Variants in KIAA1755 observed in about 807,000 individuals in gnomAD.
The protein encoded by KIAA1755 is uncharacterized protein KIAA1755.
Under a neutral mutation model 91.7 loss-of-function variants are expected in KIAA1755, and 68 were observed. That is an observed-to-expected ratio of 0.74 (90% CI 0.61 to 0.91). The LOEUF (loss-of-function observed/expected upper bound fraction) is 0.91. KIAA1755 is among the 40% of genes least tolerant of loss of function. KIAA1755 has a pLI of 0.00. For synonymous variants in KIAA1755, 610 were observed against 604.6 expected, an observed-to-expected ratio of 1.01 and a Z score of -0.13; for missense variants, 1,535 against 1,494.4, an observed-to-expected ratio of 1.03 and a Z score of -0.45.
rs1273073985 is a variant in KIAA1755, at chr20:38,223,544, C to A, written c.2262G>T (p.Gly754=). Residue 754 remains glycine (G), a synonymous_variant, in exon 9 of 14, where the codon GGG becomes GGT. Transcript: ENST00000279024. The part of the protein sequence containing the change: ...EEFEKADPPG[G]MQEATRCLSK... ...CACCATGCTCCAGGCTCACCTGCAT[C>A]CCCCCAGGGGGGTCGGCCTTCTCGA... 5 of 1,576,616 alleles carry A rather than the reference C, an allele frequency of 3.2e-6. No homozygotes were observed. In the Admixed American group the frequency reaches 5.8e-5, roughly 18 times the overall value.
intron 2 of KIAA1755, 126 bp downstream of exon 2, chr20:38,245,803 T>TC: frequency 5.0e-6 from 4 of 805,006 alleles, no homozygotes; most frequent in Non-Finnish European, 6.0e-6. Flanking sequence ...ACTTGGAAAG[T>TC]CCCCCCACAC....
chr20:38,220,213 C>T (rs930665611), intron 10 of KIAA1755, among the ~76,000 whole-genome samples: 2 of 152,142 alleles, frequency 1.3e-5, no homozygotes, highest in Admixed American at 1.3e-4. Context: ...TTATAACCTG[C>T]CCTGGGAGCT....
At chr20:38,234,803 G>C (rs1433053080) in intron 4 of KIAA1755, among the ~76,000 whole-genome samples, 1 of 152,210 alleles carries the variant, frequency 6.6e-6, no homozygotes, top group African/African-American at 2.4e-5. Context: ...ATTACAGCAA[G>C]GGGCAGTTGT....
At position 38,250,512 on chromosome 20, in the gene KIAA1755, C is replaced by CTGTGTGTGTGTG. The variant is rs3080901; in HGVS notation, c.4-4398_4-4387dup. Among the ~76,000 whole-genome samples, 253 of 138,928 alleles carry CTGTGTGTGTGTG rather than the reference C, an allele frequency of 1.8e-3. 1 individual carries two copies. Among genetic ancestry groups the CTGTGTGTGTGTG allele is most frequent in the African/African-American group, 6.1e-3 (226 of 37,004 alleles). 91.1% of individuals were successfully genotyped at this position (138,928 alleles called of 152,430 possible). On this transcript the variant is annotated intron_variant, in intron 1 of 13. Coordinates refer to ENST00000279024, the MANE Select transcript of KIAA1755 (RefSeq NM_001029864.2). ...GGTGTGTGTGTGTGTGTGTGTGTGT[C>CTGTGTGTGTGTG]TGTGTGTGTGTGTGTGTGTGTGTGG...
intron 8 of KIAA1755, 83 bp from the exon 9 acceptor site, chr20:38,223,719 AG>A: frequency 9.9e-7 from 1 of 1,015,054 alleles, no homozygotes; most frequent in Non-Finnish European, 1.5e-6. Flanking sequence ...CACAGAGGGG[AG>A]GTGGGAGGCA....
intron 1 of KIAA1755, 25 bp downstream of exon 1, chr20:38,260,473 G>A: frequency 6.6e-7 from 1 of 1,508,490 alleles, no homozygotes; most frequent in Non-Finnish European, 8.8e-7. Context: ...GGCAGAGCGA[G>A]GTGGTCCAGG....
chr20:38,223,487 T>G, intron 9 of KIAA1755, 51 bp downstream of exon 9: 16 of 1,292,172 alleles, frequency 1.2e-5, no homozygotes, highest in Non-Finnish European at 1.7e-5. Flanking sequence ...CCTTGGTCCA[T>G]GGGGTCTGGG....
At position 38,245,949 on chromosome 20, in the gene KIAA1755, G is replaced by A. The variant is rs61998174; in HGVS notation, c.181C>T (p.Gln61Ter). The A allele has an allele frequency of 1.9e-6, 3 of 1,613,988 alleles. No individual in the cohort carries two copies. Among genetic ancestry groups the A allele is most frequent in the African/African-American group, 2.7e-5 (2 of 74,908 alleles). The part of the protein sequence containing the change: ...FLIPAKRLCE[Q>*]VREAACAPYS... ...CTTACACAGGCTGCTTCTCGCACTT[G>A]CTCACACAGGCGCTTGGCAGGGATC... Residue 61 changes from glutamine (Q) to a stop codon, truncating the protein, a stop_gained, in exon 2 of 14, where the codon CAA becomes TAA. Coordinates refer to ENST00000279024, the MANE Select transcript of KIAA1755 (RefSeq NM_001029864.2). LOFTEE classifies it high-confidence loss of function.
intron 13 of KIAA1755, chr20:38,217,013 A>C: frequency 1.5e-6 from 1 of 660,944 alleles, no homozygotes; most frequent in Non-Finnish European, 2.8e-6. Context: ...AGACTTGGGG[A>C]GTGAATCACG....
intron 2 of KIAA1755, among the ~76,000 whole-genome samples, chr20:38,244,411 G>C (rs1274841995): frequency 1.3e-5 from 2 of 152,162 alleles, no homozygotes; most frequent in Non-Finnish European, 2.9e-5. Flanking sequence ...CCTAACCCTG[G>C]ACTTTTAGCT....
intron 5 of KIAA1755, among the ~76,000 whole-genome samples, chr20:38,229,529 AG>A (rs1237917867): frequency 6.6e-6 from 1 of 152,176 alleles, no homozygotes; most frequent in Non-Finnish European, 1.5e-5. Flanking sequence ...ACCAACCTGG[AG>A]GCCCTTAAAA....
intron 4 of KIAA1755, chr20:38,236,835 G>A (rs974109122): frequency 6.6e-6 from 1 of 152,358 alleles, no homozygotes; most frequent in Middle Eastern, 3.4e-3. Flanking sequence ...GTAAAAGGGT[G>A]AGGGTGGGAA....
intron 6 of KIAA1755, 37 bp from the exon 7 acceptor site, chr20:38,227,277 A>G (rs1195181419): frequency 6.6e-7 from 1 of 1,523,018 alleles, no homozygotes; most frequent in African/African-American, 1.4e-5. Context: ...GCTCTGCCCA[A>G]GGCTTCATGA....
Position 38,245,920 on chromosome 20 carries a change from T to C in KIAA1755, c.201+9A>G, listed in dbSNP as rs769673652. On this transcript the variant is annotated intron_variant, in intron 2 of 13. Transcript: ENST00000279024. ...CTTGTTCCCTGTCCCTGTTTCCCTC[T>C]TGACTTACACAGGCTGCTTCTCGCA... 6.2e-7 allele frequency: 1 copy of C among 1,613,702 alleles called. No homozygotes were observed. The highest frequency in any genetic ancestry group is 8.5e-7 in the Non-Finnish European group (1 of 1,179,678).
intron 1 of KIAA1755, among the ~76,000 whole-genome samples, chr20:38,247,712 A>T (rs2076181800): frequency 1.3e-5 from 2 of 152,218 alleles, no homozygotes; most frequent in Admixed American, 6.5e-5. Flanking sequence ...ACTTTAAAAC[A>T]AGGAGACCAT....
In KIAA1755 at chr20:38,259,530, TGAGAGA is replaced by T. The variant is rs35609888; in HGVS notation, c.3+962_3+967del. Among the ~76,000 whole-genome samples the T allele has an allele frequency of 1.7e-3, 176 of 104,134 alleles. 1 individual carries two copies. The highest frequency in any genetic ancestry group is 0.014 in the Middle Eastern group (3 of 210). The allele number at this position is 104,134 out of a possible 152,430, so 68.3% of individuals were successfully genotyped here. A position where few individuals can be genotyped will look rare whatever the true frequency, so the allele number is the denominator to read the frequency against. On this transcript the variant is annotated intron_variant, in intron 1 of 13. Coordinates refer to ENST00000279024, the MANE Select transcript of KIAA1755 (RefSeq NM_001029864.2). ...GCCTGCGTGTGTGTGTGTGTGTGTG[TGAGAGA>T]GAGAGAGAGAGAGTATGAACACCTC...
In KIAA1755 at chr20:38,227,382, TTG is replaced by T. The variant is rs568422277; in HGVS notation, c.1966-144_1966-143del. ...TGGGGTCCCTCCATGACTGGAATCT[TTG>T]TGTGATACGTTTGGACCGTGAATCA... On this transcript the variant is annotated intron_variant, in intron 6 of 13. Transcript: ENST00000279024. 3,366 of 570,162 alleles carry T rather than the reference TTG, an allele frequency of 5.9e-3. 18 individuals carry two copies. Among genetic ancestry groups the T allele is most frequent in the Non-Finnish European group, 8.5e-3 (2,697 of 318,876 alleles). 35.3% of individuals were successfully genotyped at this position (570,162 alleles called of 1,614,324 possible).
At chr20:38,232,177 C>T (rs560949381) in intron 4 of KIAA1755, among the ~76,000 whole-genome samples, 11 of 152,338 alleles carry the variant, frequency 7.2e-5, no homozygotes, top group South Asian at 2.1e-4. Flanking sequence ...AGCCACTCCA[C>T]GTGGGCACCA....
chr20:38,245,829 A>G, intron 2 of KIAA1755, 100 bp downstream of exon 2: 1 of 1,142,600 alleles, frequency 8.8e-7, no homozygotes, highest in South Asian at 1.3e-5. Context: ...GCTCCCCGTG[A>G]AACAAGACAC....
Sources: allele counts gnomAD v4.1 joint callset (sites outside exome capture counted in the v4.1 genomes callset), GRCh38; gene constraint gnomAD v4.1.1; transcripts MANE v1.5; gene names NCBI Gene and HGNC (gene_info 2026-07-23, HGNC 2026-07-21).